Variants in ANO1 observed in about 807,000 individuals in gnomAD.
ANO1 encodes anoctamin 1, also known as anoctamin-1.
ANO1 carries 59 observed loss-of-function variants against 124.0 expected under a neutral mutation model. That is an observed-to-expected ratio of 0.48 (90% confidence interval 0.39 to 0.59). ANO1 has a LOEUF of 0.59. Ranked by LOEUF, ANO1 falls within the 20% of genes least tolerant of loss-of-function variation. The pLI is 0.00. For missense variants in ANO1, 1,059 were observed against 1,328.0 expected (o/e 0.80, Z 3.15); for synonymous variants, 529 against 532.0 (o/e 0.99, Z 0.08).
chr11:70,117,231 C>T (rs898873214), intron 8 of ANO1, among the ~76,000 whole-genome samples: 2 of 151,154 alleles, frequency 1.3e-5, no homozygotes, highest in Non-Finnish European at 1.5e-5. Flanking sequence ...CCAGCAGGCC[C>T]AGATGATTTT....
At chr11:69,990,459 T>C (rs781629761) in intron 1 of ANO1, among the ~76,000 whole-genome samples, 1 of 152,252 alleles carries the variant, frequency 6.6e-6, no homozygotes, top group Non-Finnish European at 1.5e-5. Context: ...AGCATTTGCA[T>C]GTGAGTGTCT....
At chr11:70,138,747 C>T (rs1433633665) in intron 11 of ANO1, among the ~76,000 whole-genome samples, 15 of 152,110 alleles carry the variant, frequency 9.9e-5, no homozygotes, top group Admixed American at 9.2e-4. Flanking sequence ...AATACTTTTT[C>T]ATAACTTTTT....
chr11:70,148,868 G>T (rs1051436128), intron 11 of ANO1, among the ~76,000 whole-genome samples: 1 of 152,216 alleles, frequency 6.6e-6, no homozygotes, highest in African/African-American at 2.4e-5. Context: ...CACTGACACC[G>T]TGGGCAAGAC....
rs1305369508 is a variant in ANO1 at position 70,187,837 on chromosome 11, G to A, written c.2794G>A (p.Glu932Lys). The A allele has an allele frequency of 6.2e-7, 1 of 1,609,104 alleles. No homozygotes were observed. Among genetic ancestry groups the A allele is most frequent in the Non-Finnish European group, 8.5e-7 (1 of 1,177,974 alleles). ...QIHKEKVLMV[E>K]LFMREEQDKQ... Reference sequence around the variant, plus strand: ...CCACAAGGAGAAGGTGCTCATGGTGGAGCTGTTCATGCGGGAGGAGCAAGA... The same window carrying A: ...CCACAAGGAGAAGGTGCTCATGGTGAAGCTGTTCATGCGGGAGGAGCAAGA... Residue 932 changes from glutamate to lysine, a missense_variant, in exon 26 of 26, where the codon GAG becomes AAG. By Grantham distance (56) the Glu-to-Lys change is moderately conservative. Coordinates refer to ENST00000355303, the MANE Select transcript of ANO1 (RefSeq NM_018043.7).
At chr11:69,987,354 C>T (rs533857059) in intron 1 of ANO1, among the ~76,000 whole-genome samples, 4 of 152,336 alleles carry the variant, frequency 2.6e-5, no homozygotes, top group Admixed American at 6.5e-5. Context: ...CACCAAGCTT[C>T]AGGCACTGAT....
rs2046976818 is a variant in ANO1, at chr11:70,136,948, C to G, written c.1258+4869C>G. Among the ~76,000 whole-genome samples the G allele has an allele frequency of 1.4e-5, 2 of 147,250 alleles. 1 individual carries two copies. The highest frequency in any genetic ancestry group is 4.1e-4 in the East Asian group (2 of 4,912). ...GAGCAGTGAGACACGCTGAGCTGGGCTGGCCAGGGAGGGGGTGAGCGCCCC... is the reference window on the plus strand; with the variant it reads ...GAGCAGTGAGACACGCTGAGCTGGGGTGGCCAGGGAGGGGGTGAGCGCCCC... On this transcript the variant is annotated intron_variant, in intron 11 of 25. Transcript: ENST00000355303.
At chr11:70,076,457 C>T (rs886150553), upstream of ANO1, among the ~76,000 whole-genome samples, 1 of 151,910 alleles carries the variant, frequency 6.6e-6, no homozygotes, top group African/African-American at 2.4e-5. Context: ...ATGCAAACTG[C>T]ACCTCATAGA....
chr11:70,122,389 T>A, intron 8 of ANO1, among the ~76,000 whole-genome samples: 1 of 134,764 alleles, frequency 7.4e-6, no homozygotes, highest in South Asian at 2.8e-4. Flanking sequence ...TCTCTGTCTG[T>A]CTCTCTATCT....
In ANO1 at chr11:70,163,272, C is replaced by A; in HGVS notation, c.1893-11C>A. 3 of 1,612,864 alleles carry A rather than the reference C, an allele frequency of 1.9e-6. No individual in the cohort carries two copies. The highest frequency in any genetic ancestry group is 2.5e-6 in the Non-Finnish European group (3 of 1,179,694). On this transcript the variant is annotated splice_polypyrimidine_tract_variant and intron_variant, in intron 18 of 25. Coordinates refer to ENST00000355303, the MANE Select transcript of ANO1 (RefSeq NM_018043.7). ...TCATCTTTTCTCTAACGACCTCCCC[C>A]ATCGTTTCAGGTTTGTTGGACGCCC...
At chr11:70,132,314 C>T (rs2046789629) in intron 11 of ANO1, among the ~76,000 whole-genome samples, 1 of 152,066 alleles carries the variant, frequency 6.6e-6, no homozygotes, top group Admixed American at 6.5e-5. Flanking sequence ...TAGGAAAAGC[C>T]TAGGAGGGAC....
chr11:70,003,202 A>G (rs1856418023), intron 1 of ANO1, among the ~76,000 whole-genome samples: 1 of 152,222 alleles, frequency 6.6e-6, no homozygotes, highest in Non-Finnish European at 1.5e-5. Flanking sequence ...CGGCATGACC[A>G]CAATAGGCAA....
In ANO1 at chr11:70,155,918, G is replaced by T; in HGVS notation, c.1433G>T (p.Arg478Leu). The change falls in exon 15 of 26, where the codon CGG (arginine) becomes CTG (leucine). Residue 478 changes from arginine (R) to leucine (L), a missense_variant. This residue lies in a region of ANO1 where 809 missense variants were observed against 1,094.9 expected (regional missense o/e 0.74). Transcript: ENST00000355303. ...TCCCCCACCCCCCCTCAGAAGCGCCGGCATATTCCAGAGGAGTCAACAAAC... is the reference window on the plus strand; with the variant it reads ...TCCCCCACCCCCCCTCAGAAGCGCCTGCATATTCCAGAGGAGTCAACAAAC... ...KKESRNKEKR[R>L]HIPEESTNKW... The T allele has an allele frequency of 6.5e-7, 1 of 1,539,504 alleles. No individual in the cohort carries two copies. The highest frequency in any genetic ancestry group is 8.8e-7 in the Non-Finnish European group (1 of 1,142,536).
At chr11:70,167,141 C>G (rs868122620) in intron 20 of ANO1, 101 bp from the exon 21 acceptor site, 1 of 1,429,876 alleles carries the variant, frequency 7.0e-7, no homozygotes, top group African/African-American at 1.4e-5. Flanking sequence ...GAGTGAAACT[C>G]TGTCTCAAAA....
chr11:70,085,349 C>G, intron 1 of ANO1: 3 of 1,417,590 alleles, frequency 2.1e-6, no homozygotes, highest in African/African-American at 1.5e-5. Context: ...CACCCACCCA[C>G]ATGGGCGTGG....
chr11:70,184,875 T>C (rs1408065988), intron 24 of ANO1, among the ~76,000 whole-genome samples: 1 of 152,006 alleles, frequency 6.6e-6, no homozygotes, highest in Non-Finnish European at 1.5e-5. Context: ...GCCTCCCGAG[T>C]AGCTGGGAAT....
Position 70,126,687 on chromosome 11 carries a change from G to A in ANO1, c.1097+492G>A, listed in dbSNP as rs187055982. Among the ~76,000 whole-genome samples the A allele has an allele frequency of 3.7e-3, 562 of 151,866 alleles. 2 individuals carry two copies. Among genetic ancestry groups the A allele is most frequent in the African/African-American group, 0.013 (528 of 41,404 alleles). On this transcript the variant is annotated intron_variant, in intron 10 of 25. Transcript: ENST00000355303. ...GGCTTCGGTGCAGGCTGGTACTTGC[G>A]GGAGGTGAGACATGGATGCCAGAGG... is the stretch of plus-strand genomic sequence containing the variant.
chr11:70,071,758 G>A (rs1232987950), intron 1 of ANO1, among the ~76,000 whole-genome samples: 1 of 151,908 alleles, frequency 6.6e-6, no homozygotes, highest in Non-Finnish European at 1.5e-5. Flanking sequence ...CAAGTAGCTG[G>A]GATTATAGGC....
Position 70,088,063 on chromosome 11 carries a change from G to A in ANO1, c.420G>A (p.Leu140=). The change falls in exon 2 of 26, where the codon CTG becomes CTA. Residue 140 remains leucine (L), a synonymous_variant. Coordinates refer to ENST00000355303, the MANE Select transcript of ANO1 (RefSeq NM_018043.7). ...AGGGCAACCTCCTGGAGGCGGGCCT[G>A]GAGCTGGAGCGGGACGAGGACGTAA... ...EYEGNLLEAG[L]ELERDEDTKI... 1 of 1,400,468 alleles carries A rather than the reference G, an allele frequency of 7.1e-7. No individual in the cohort carries two copies. The highest frequency in any genetic ancestry group is 3.1e-5 in the Admixed American group (1 of 32,622). 86.8% of individuals were successfully genotyped at this position (1,400,468 alleles called of 1,614,324 possible). A position where few individuals can be genotyped will look rare whatever the true frequency, so the allele number is the denominator to read the frequency against.
At chr11:70,124,469 A>G (rs991173072) in intron 9 of ANO1, 55 bp downstream of exon 9, 12 of 1,557,750 alleles carry the variant, frequency 7.7e-6, no homozygotes, top group Non-Finnish European at 1.1e-5. Context: ...TGGCAGTCGG[A>G]TAACATCCCT....
Sources: allele counts gnomAD v4.1 joint callset (sites outside exome capture counted in the v4.1 genomes callset), GRCh38; gene constraint gnomAD v4.1.1; regional missense constraint gnomAD v4.1.1; transcripts MANE v1.5; gene names NCBI Gene and HGNC (gene_info 2026-07-23, HGNC 2026-07-21).